The following AHNAK variants were observed in gnomAD, a reference collection of about 807,000 sequenced individuals.
AHNAK encodes the protein AHNAK nucleoprotein, also known as neuroblast differentiation-associated protein AHNAK.
Under a neutral mutation model 37.8 loss-of-function variants are expected in AHNAK, and 23 were observed. The observed-to-expected ratio is 0.61, with a 90% CI of 0.44 to 0.86. AHNAK has a LOEUF of 0.86. AHNAK is among the 40% of genes least tolerant of loss of function. AHNAK has a pLI of 0.00. For synonymous variants in AHNAK, 2,481 were observed against 2,636.3 expected, an observed-to-expected ratio of 0.94 and a Z score of 1.80; for missense variants, 7,411 against 7,319.4, an observed-to-expected ratio of 1.01 and a Z score of -0.46.
chr11:62,546,199 G>C (rs1395746799), intron 1 of AHNAK: 1 of 154,636 alleles, frequency 6.5e-6, no homozygotes, highest in Non-Finnish European at 1.4e-5. Flanking sequence ...CCGAGGGGGC[G>C]CACGGTGCGG....
intron 1 of AHNAK, among the ~76,000 whole-genome samples, chr11:62,538,344 T>G (rs1264922393): frequency 6.6e-6 from 1 of 152,098 alleles, no homozygotes; most frequent in African/African-American, 2.4e-5. Flanking sequence ...CATTTAGTAA[T>G]AAATTCGCCC....
At position 62,527,934 on chromosome 11, in the gene AHNAK, C is replaced by T. The variant is rs1220775131; in HGVS notation, c.6483G>A (p.Glu2161=). The part of the protein sequence containing the change: ...VDVEVPDVEL[E]CPDAKLKGPK... ...GCCCTTTCAACTTTGCATCAGGACACTCCAGCTCAACATCAGGCACCTCCA... is the reference window on the plus strand; with the variant it reads ...GCCCTTTCAACTTTGCATCAGGACATTCCAGCTCAACATCAGGCACCTCCA... Residue 2161 remains glutamate, a synonymous_variant, in exon 5 of 5, where the codon GAG becomes GAA. Coordinates refer to ENST00000378024, the MANE Select transcript of AHNAK (RefSeq NM_001620.3). The T allele has an allele frequency of 1.2e-6, 2 of 1,609,690 alleles. No individual in the cohort carries two copies. Among genetic ancestry groups the T allele is most frequent in the East Asian group, 2.2e-5 (1 of 44,722 alleles).
rs114027862 is a variant in AHNAK, at chr11:62,520,990, T to A, written c.13427A>T (p.Asp4476Val). ...LHLKGPKVKG[D>V]VDVSLPKVES... ...CACCTTAGGTAGTGAAACATCCACA[T>A]CACCCTTCACCTTGGGACCTTTCAG... Residue 4476 changes from aspartate (D) to valine (V), a missense_variant, in exon 5 of 5, where the codon GAT becomes GTT. Asp to Val is a radical substitution (Grantham distance 152). Transcript: ENST00000378024. 2.0e-5 allele frequency: 32 copies of A among 1,614,104 alleles called. No homozygotes were observed. In the African/African-American group the frequency reaches 3.7e-4, roughly 19 times the overall value.
Position 62,535,158 on chromosome 11 carries a change from C to T in AHNAK, c.187G>A (p.Asp63Asn). 1 of 1,612,406 alleles carries T rather than the reference C, an allele frequency of 6.2e-7. No homozygotes were observed. The highest frequency in any genetic ancestry group is 1.3e-5 in the African/African-American group (1 of 74,982). Residue 63 changes from aspartate to asparagine, a missense_variant, in exon 4 of 5, where the codon GAC becomes AAC. Asp to Asn is a conservative substitution (Grantham distance 23). Coordinates refer to ENST00000378024, the MANE Select transcript of AHNAK (RefSeq NM_001620.3). ...DQIVGATIYF[D>N]NLQSGEVTQL... ...GTCACCTCACCCGACTGCAGGTTGTCAAAGTAGATGGTGGCACCCACAATC... is the reference window on the plus strand; with the variant it reads ...GTCACCTCACCCGACTGCAGGTTGTTAAAGTAGATGGTGGCACCCACAATC...
chr11:62,448,599 G>A (rs960206772), intron 5 of AHNAK, among the ~76,000 whole-genome samples: 24 of 152,314 alleles, frequency 1.6e-4, no homozygotes, highest in African/African-American at 5.8e-4. Flanking sequence ...TTGAGATGGA[G>A]AAGCAGGTTC....
In AHNAK at chr11:62,522,577, C is replaced by T. The variant is rs1363272779; in HGVS notation, c.11840G>A (p.Gly3947Glu). ...GTTCACATCCACTTCTGGACCTTCTCCTTTGAAGCCAGGCATGCTGATCTT... is the reference window on the plus strand; with the variant it reads ...GTTCACATCCACTTCTGGACCTTCTTCTTTGAAGCCAGGCATGCTGATCTT... ...MPKISMPGFK[G>E]EGPEVDVNLP... The change falls in exon 5 of 5, where the codon GGA becomes GAA. Residue 3947 changes from glycine (G) to glutamate (E), a missense_variant. Gly to Glu is a moderately conservative substitution (Grantham distance 98). Coordinates refer to ENST00000378024, the MANE Select transcript of AHNAK (RefSeq NM_001620.3). 6.2e-7 allele frequency: 1 copy of T among 1,611,956 alleles called. No homozygotes were observed. Among genetic ancestry groups the T allele is most frequent in the Non-Finnish European group, 8.5e-7 (1 of 1,179,606 alleles).
chr11:62,452,633 TG>T (rs1213898546), intron 5 of AHNAK, among the ~76,000 whole-genome samples: 3 of 152,204 alleles, frequency 2.0e-5, no homozygotes, highest in Non-Finnish European at 4.4e-5. Context: ...TGCTTAGGGA[TG>T]ACCCAGATTG....
intron 5 of AHNAK, among the ~76,000 whole-genome samples, chr11:62,440,994 G>A (rs977944901): frequency 4.0e-5 from 6 of 151,616 alleles, no homozygotes; most frequent in African/African-American, 7.3e-5. Flanking sequence ...AGAGATACCC[G>A]TCTGTATAAT....
intron 5 of AHNAK, among the ~76,000 whole-genome samples, chr11:62,484,623 G>A (rs1177470054): frequency 3.3e-5 from 5 of 152,156 alleles, no homozygotes; most frequent in African/African-American, 7.2e-5. Context: ...AGCTCCATGA[G>A]GGAGGAAAAG....
At chr11:62,541,635 C>G (rs531024126) in intron 1 of AHNAK, among the ~76,000 whole-genome samples, 1 of 152,204 alleles carries the variant, frequency 6.6e-6, no homozygotes, top group Non-Finnish European at 1.5e-5. Context: ...TTCTGCAGAG[C>G]GCTCTGATGT....
intron 5 of AHNAK, among the ~76,000 whole-genome samples, chr11:62,483,776 G>A (rs1417898320): frequency 5.3e-5 from 8 of 151,006 alleles, no homozygotes; most frequent in African/African-American, 1.5e-4. Context: ...GGAGAATGGC[G>A]TGAACCTGGG....
intron 5 of AHNAK, among the ~76,000 whole-genome samples, chr11:62,463,904 C>T (rs535717861): frequency 4.6e-5 from 7 of 151,316 alleles, no homozygotes; most frequent in African/African-American, 1.7e-4. Context: ...GCTGGAATTA[C>T]AGGCGCCCGC....
chr11:62,437,442 C>A (rs1194524297), intron 5 of AHNAK, among the ~76,000 whole-genome samples: 1 of 152,190 alleles, frequency 6.6e-6, no homozygotes, highest in Non-Finnish European at 1.5e-5. Flanking sequence ...GCAACATCTG[C>A]CTCCTGGGTT....
chr11:62,517,793 T>C lies in AHNAK; in HGVS notation c.16624A>G (p.Ser5542Gly). 2 of 1,614,200 alleles carry C rather than the reference T, an allele frequency of 1.2e-6. No homozygotes were observed. Among genetic ancestry groups the C allele is most frequent in the Non-Finnish European group, 1.7e-6 (2 of 1,180,030 alleles). The part of the protein sequence containing the change: ...VGFHGAAPDI[S>G]VKGPAFNMAS... ...ATATTAAAGGCAGGCCCCTTCACACTGATATCAGGAGCAGCCCCATGGAAA... is the reference window on the plus strand; with the variant it reads ...ATATTAAAGGCAGGCCCCTTCACACCGATATCAGGAGCAGCCCCATGGAAA... Residue 5542 changes from serine to glycine, a missense_variant, in exon 5 of 5, where the codon AGT becomes GGT. Transcript: ENST00000378024.
rs990073737 is a variant in AHNAK, at chr11:62,520,170, G to A, written c.14247C>T (p.Asp4749=). 8 of 1,613,186 alleles carry A rather than the reference G, an allele frequency of 5.0e-6. No homozygotes were observed. Among genetic ancestry groups the A allele is most frequent in the Non-Finnish European group, 6.8e-6 (8 of 1,179,856 alleles). The change falls in exon 5 of 5, where the codon GAC becomes GAT. Residue 4749 remains aspartate (D), a synonymous_variant. Transcript: ENST00000378024. ...TGATGTCAGCTTCTGGGCCCTTGAGGTCACCTTCCACTTTAGGAAGGGTAA... is the reference window on the plus strand; with the variant it reads ...TGATGTCAGCTTCTGGGCCCTTGAGATCACCTTCCACTTTAGGAAGGGTAA... ...VDVTLPKVEG[D]LKGPEADIKG...
intron 5 of AHNAK, among the ~76,000 whole-genome samples, chr11:62,461,765 C>T (rs1938794371): frequency 1.4e-5 from 2 of 146,756 alleles, no homozygotes; most frequent in South Asian, 4.5e-4. Context: ...GCGGAGGTTG[C>T]GGTGAGCCGA....
Position 62,530,003 on chromosome 11 carries a change from T to G in AHNAK, c.4414A>C (p.Thr1472Pro). The change falls in exon 5 of 5, where the codon ACA (threonine) becomes CCA (proline). Residue 1472 changes from threonine (T) to proline (P), a missense_variant. Physicochemically the swap from Thr to Pro is conservative, Grantham distance 38. Coordinates refer to ENST00000378024, the MANE Select transcript of AHNAK (RefSeq NM_001620.3). ...GPKMKGDYDV[T>P]VPKVEGEIKA... The stretch of plus-strand genomic sequence containing the variant: ...ATCTCTCCTTCTACTTTTGGAACTG[T>G]TACATCATAATCTCCTTTCATTTTA... 2 of 1,614,030 alleles carry G rather than the reference T, an allele frequency of 1.2e-6. No individual in the cohort carries two copies. The highest frequency in any genetic ancestry group is 2.2e-5 in the South Asian group (2 of 91,070).
chr11:62,451,736 C>CAA (rs572246314), intron 5 of AHNAK, among the ~76,000 whole-genome samples: 2,211 of 112,786 alleles, frequency 0.02, 60 homozygotes, highest in African/African-American at 0.044. Flanking sequence ...GACTCCGTCT[C>CAA]AAAAAAAAAA....
intron 5 of AHNAK, among the ~76,000 whole-genome samples, chr11:62,463,924 C>T (rs985275471): frequency 2.0e-4 from 27 of 136,490 alleles, no homozygotes; most frequent in African/African-American, 2.9e-4. Flanking sequence ...CCACCACGCC[C>T]GGCTAATTTT....
Sources: gnomAD v4.1 joint callset for allele counts (sites outside exome capture counted in the v4.1 genomes callset) on GRCh38, gnomAD v4.1.1 for gene constraint, MANE v1.5 for transcripts, NCBI Gene and HGNC (gene_info 2026-07-23, HGNC 2026-07-21) for gene names.